Variants in VMP1 observed in about 807,000 individuals in gnomAD.
VMP1 encodes ectopic P-granules autophagy protein 3 homolog.
In VMP1, 11 loss-of-function variants were observed where a neutral mutation model predicts 56.0. That is an observed-to-expected ratio of 0.20 (90% CI 0.12 to 0.32). The LOEUF (loss-of-function observed/expected upper bound fraction) is 0.32. VMP1 is among the 10% of genes least tolerant of loss of function. The pLI is 1.00. For synonymous variants in VMP1, 149 were observed against 165.0 expected, an observed-to-expected ratio of 0.90 and a Z score of 0.74; for missense variants, 296 against 490.3, an observed-to-expected ratio of 0.60 and a Z score of 3.74.
intron 5 of VMP1, among the ~76,000 whole-genome samples, chr17:59,751,694 A>G (rs1262687335): frequency 2.2e-5 from 3 of 138,280 alleles, no homozygotes; most frequent in African/African-American, 8.0e-5. Context: ...CAGTGAGCCG[A>G]GATTGCGCCA....
At chr17:59,727,263 T>A (rs1028137723) in intron 1 of VMP1, among the ~76,000 whole-genome samples, 9 of 151,938 alleles carry the variant, frequency 5.9e-5, no homozygotes, top group Non-Finnish European at 8.8e-5. Flanking sequence ...GCCTCCAGAG[T>A]AGTTGGGACT....
chr17:59,796,666 C>T (rs905171981), intron 7 of VMP1, among the ~76,000 whole-genome samples: 3 of 152,288 alleles, frequency 2.0e-5, no homozygotes, highest in African/African-American at 7.2e-5. Context: ...TTTTCTAAAA[C>T]TTAGCATTTA....
At chr17:59,774,981 G>A (rs1017699352) in intron 7 of VMP1, among the ~76,000 whole-genome samples, 3 of 148,448 alleles carry the variant, frequency 2.0e-5, no homozygotes, top group East Asian at 2.0e-4. Flanking sequence ...TCGCTCTGTC[G>A]CCAAGGCTGG....
intron 6 of VMP1, among the ~76,000 whole-genome samples, chr17:59,765,933 T>C (rs986772714): frequency 5.9e-5 from 9 of 151,450 alleles, no homozygotes; most frequent in South Asian, 2.1e-4. Context: ...TATATATAAA[T>C]ATTAGATTGG....
chr17:59,838,422 T>TC, intron 11 of VMP1, 25 bp downstream of exon 11: 1 of 1,611,644 alleles, frequency 6.2e-7, no homozygotes, highest in Non-Finnish European at 8.5e-7. Flanking sequence ...CGGTTTCTTC[T>TC]CCCCTCTGGG....
At chr17:59,809,426 C>G (rs1438446789) in intron 8 of VMP1, among the ~76,000 whole-genome samples, 1 of 146,652 alleles carries the variant, frequency 6.8e-6, no homozygotes, top group Non-Finnish European at 1.5e-5. Context: ...AAACGATTCT[C>G]CTGCCTCAGC....
rs2039128702 is a variant in VMP1, at chr17:59,840,647, G to A, written c.*736G>A. ...TTTTTACTTTTAGCTTATACCAGCT[G>A]AATGGCAGCCTTGCCTAATCCACCT... On this transcript the variant is annotated 3_prime_UTR_variant, in exon 12 of 12. Coordinates refer to ENST00000262291, the MANE Select transcript of VMP1 (RefSeq NM_030938.5). 6.6e-6 allele frequency: 1 copy of A among 152,596 alleles called. No homozygotes were observed. The highest frequency in any genetic ancestry group is 2.4e-5 in the African/African-American group (1 of 41,428). The allele number at this position is 152,596 out of a possible 1,614,324, so 9.5% of individuals were successfully genotyped here.
At chr17:59,712,553 G>A (rs2033973532) in intron 1 of VMP1, among the ~76,000 whole-genome samples, 1 of 152,236 alleles carries the variant, frequency 6.6e-6, no homozygotes, top group Middle Eastern at 3.4e-3. Context: ...TTGTGTCCCA[G>A]GCCTTACACC....
At chr17:59,743,679 T>C (rs2035313348) in intron 5 of VMP1, among the ~76,000 whole-genome samples, 1 of 151,268 alleles carries the variant, frequency 6.6e-6, no homozygotes, top group Non-Finnish European at 1.5e-5. Flanking sequence ...TATACTCTAT[T>C]GATAGAACAT....
At chr17:59,750,638 T>TA (rs1229011008) in intron 5 of VMP1, among the ~76,000 whole-genome samples, 1 of 152,148 alleles carries the variant, frequency 6.6e-6, no homozygotes, top group Non-Finnish European at 1.5e-5. Context: ...TTATTCAACA[T>TA]ATGCTAATAT....
chr17:59,819,625 TG>T (rs2038368546), intron 10 of VMP1, among the ~76,000 whole-genome samples: 1 of 152,176 alleles, frequency 6.6e-6, no homozygotes. Context: ...AGCTAATTTT[TG>T]TATTTTTAGT....
intron 5 of VMP1, among the ~76,000 whole-genome samples, chr17:59,761,850 T>C (rs1405391322): frequency 6.6e-6 from 1 of 152,184 alleles, no homozygotes; most frequent in Non-Finnish European, 1.5e-5. Flanking sequence ...TCTTTTCTGG[T>C]ATACTGCCTC....
At chr17:59,748,021 C>T (rs977379134) in intron 5 of VMP1, among the ~76,000 whole-genome samples, 3 of 151,818 alleles carry the variant, frequency 2.0e-5, no homozygotes, top group Non-Finnish European at 4.4e-5. Flanking sequence ...ACAGTGAAAC[C>T]CCGTCTCTAC....
chr17:59,807,199 G>A, intron 7 of VMP1, among the ~76,000 whole-genome samples: 1 of 132,640 alleles, frequency 7.5e-6, no homozygotes, highest in South Asian at 2.4e-4. Flanking sequence ...TTGTTTTTTT[G>A]TTTTTTTTTT....
At chr17:59,714,246 T>C (rs948818309) in intron 1 of VMP1, among the ~76,000 whole-genome samples, 5 of 152,020 alleles carry the variant, frequency 3.3e-5, no homozygotes, top group Admixed American at 2.0e-4. Flanking sequence ...GAGTATCACA[T>C]GGAGGGGGAG....
At chr17:59,733,683 C>T (rs1480128275) in intron 2 of VMP1, among the ~76,000 whole-genome samples, 1 of 152,022 alleles carries the variant, frequency 6.6e-6, no homozygotes, top group East Asian at 1.9e-4. Flanking sequence ...CCAGCCTGGG[C>T]AACAGAATGA....
At chr17:59,802,082 T>C (rs1200022238) in intron 7 of VMP1, among the ~76,000 whole-genome samples, 1 of 151,692 alleles carries the variant, frequency 6.6e-6, no homozygotes, top group Non-Finnish European at 1.5e-5. Context: ...GCACCTGTAG[T>C]CCTAGGTACT....
chr17:59,809,304 CTTTTTT>C (rs57274450), intron 8 of VMP1, among the ~76,000 whole-genome samples: 4 of 33,430 alleles, frequency 1.2e-4, no homozygotes, highest in Non-Finnish European at 1.8e-4. Flanking sequence ...GCCCATTCAA[CTTTTTT>C]TTTTTTTTTT....
At chr17:59,778,687 G>A (rs1391238544) in intron 7 of VMP1, among the ~76,000 whole-genome samples, 1 of 152,202 alleles carries the variant, frequency 6.6e-6, no homozygotes, top group African/African-American at 2.4e-5. Flanking sequence ...ATGTATCAGT[G>A]TCTATTGATC....
Sources: allele counts gnomAD v4.1 joint callset (sites outside exome capture counted in the v4.1 genomes callset), GRCh38; gene constraint gnomAD v4.1.1; transcripts MANE v1.5; gene names NCBI Gene and HGNC (gene_info 2026-07-23, HGNC 2026-07-21).